SLC22A24: variants seen among roughly 807,000 people sequenced by gnomAD.
SLC22A24 encodes the protein solute carrier family 22 member 24, also known as steroid transmembrane transporter SLC22A24.
SLC22A24 carries 53 observed loss-of-function variants against 49.8 expected under a neutral mutation model. The observed-to-expected ratio is 1.06, with a 90% CI of 0.85 to 1.34. The LOEUF is 1.34. Among genes scored for constraint, SLC22A24 ranks in the 40% most tolerant of loss-of-function variants. The pLI, the probability that SLC22A24 is intolerant of heterozygous loss-of-function variation, is 0.00. For missense variants in SLC22A24, 786 were observed against 675.9 expected, an observed-to-expected ratio of 1.16 and a Z score of -1.81; for synonymous variants, 302 against 256.4, an observed-to-expected ratio of 1.18 and a Z score of -1.70.
At chr11:63,141,627 A>G (rs1209787079) in intron 1 of SLC22A24, among the ~76,000 whole-genome samples, 1 of 152,176 alleles carries the variant, frequency 6.6e-6, no homozygotes, top group African/African-American at 2.4e-5. Context: ...CAGGAACCCC[A>G]AGTTATCTTG....
At chr11:63,094,861 T>A (rs372858668) in intron 6 of SLC22A24, among the ~76,000 whole-genome samples, 22 of 152,260 alleles carry the variant, frequency 1.4e-4, no homozygotes, top group Middle Eastern at 3.4e-3. Flanking sequence ...GTTTGAGTTC[T>A]TTGTAGATTC....
intron 7 of SLC22A24, 77 bp downstream of exon 7, chr11:63,083,166 C>A (rs1000283002): frequency 2.5e-5 from 30 of 1,192,368 alleles, no homozygotes; most frequent in Non-Finnish European, 3.5e-5. Flanking sequence ...TCTTTTGGCA[C>A]CAGGCATAAA....
chr11:63,097,495 T>C (rs779990647), intron 5 of SLC22A24, among the ~76,000 whole-genome samples: 1 of 152,158 alleles, frequency 6.6e-6, no homozygotes, highest in Non-Finnish European at 1.5e-5. Flanking sequence ...AGGTCAATCA[T>C]TGTGGAAGAT....
intron 2 of SLC22A24, among the ~76,000 whole-genome samples, chr11:63,133,908 G>A (rs1409880970): frequency 1.3e-5 from 2 of 152,094 alleles, no homozygotes; most frequent in African/African-American, 2.4e-5. Context: ...GCCTCCCAAA[G>A]TGTTGGTATT....
At chr11:63,110,329 G>A (rs947040028) in intron 4 of SLC22A24, among the ~76,000 whole-genome samples, 10 of 152,190 alleles carry the variant, frequency 6.6e-5, no homozygotes, top group Admixed American at 1.3e-4. Context: ...TTGGCAATGC[G>A]GGCTCTTTTT....
intron 3 of SLC22A24, 44 bp from the exon 4 acceptor site, chr11:63,119,124 A>T (rs767872601): frequency 1.8e-5 from 28 of 1,526,712 alleles, no homozygotes; most frequent in Non-Finnish European, 2.3e-5. Flanking sequence ...GACAAATGGT[A>T]ATTTCAAGGT....
intron 2 of SLC22A24, among the ~76,000 whole-genome samples, chr11:63,120,793 T>C (rs891580489): frequency 7.9e-5 from 12 of 152,192 alleles, no homozygotes; most frequent in African/African-American, 2.9e-4. Context: ...TAAAATGTCT[T>C]ACTTTCTGAA....
rs568137275 is a variant in SLC22A24 at position 63,143,874 on chromosome 11, G to T, written c.-95C>A. ...TGTCCCCTTTCACAAAGTTACCATA[G>T]TGCCATGTGGATCCTGACACTGCTT... On this transcript the variant is annotated 5_prime_UTR_variant, in exon 1 of 10. Transcript: ENST00000612278. The T allele has an allele frequency of 1.4e-5, 15 of 1,069,280 alleles. No homozygotes were observed. The highest frequency in any genetic ancestry group is 1.8e-5 in the Non-Finnish European group (15 of 818,438). 66.2% of individuals were successfully genotyped at this position (1,069,280 alleles called of 1,614,324 possible).
rs556176797 is a variant in SLC22A24, at chr11:63,081,246, C to A, written c.1395-123G>T. 73 of 808,708 alleles carry A rather than the reference C, an allele frequency of 9.0e-5. No homozygotes were observed. The African/African-American group carries it at 1.1e-3, about 13-fold the overall frequency. The allele number at this position is 808,708 out of a possible 1,614,324, so 50.1% of individuals were successfully genotyped here. A position where few individuals can be genotyped will look rare whatever the true frequency, so the allele number is the denominator to read the frequency against. On this transcript the variant is annotated intron_variant, in intron 8 of 9. Transcript: ENST00000612278. ...TTACTAAACACATGGGCTTTGACAG[C>A]AAGCCCTTAATTGTGACATTTACCT...
At chr11:63,129,770 T>C (rs531852688) in intron 2 of SLC22A24, among the ~76,000 whole-genome samples, 79 of 151,306 alleles carry the variant, frequency 5.2e-4, no homozygotes, top group African/African-American at 1.9e-3. Flanking sequence ...ATGATTTGGC[T>C]CTCTGTTTGT....
intron 6 of SLC22A24, among the ~76,000 whole-genome samples, chr11:63,084,616 A>C (rs766604916): frequency 1.3e-5 from 2 of 152,130 alleles, no homozygotes; most frequent in African/African-American, 4.8e-5. Context: ...CAGGGAAAGG[A>C]GTCTGATTTG....
At chr11:63,133,997 G>A (rs2087355489) in intron 2 of SLC22A24, among the ~76,000 whole-genome samples, 1 of 152,128 alleles carries the variant, frequency 6.6e-6, no homozygotes, top group Non-Finnish European at 1.5e-5. Flanking sequence ...TATTAGAGTA[G>A]ATTAGTAGAT....
In SLC22A24 at chr11:63,140,280, C is replaced by G. The variant is rs181227394; in HGVS notation, c.402+3098G>C. 2.0e-5 allele frequency among the ~76,000 whole-genome samples: 3 copies of G among 152,034 alleles called. No homozygotes were observed. In the East Asian group the frequency reaches 5.8e-4, roughly 29 times the overall value. ...TATTTTTAGTAGAGATGAGGTTTCA[C>G]CATGTTGGCCAGGATGGTCTCAATC... On this transcript the variant is annotated intron_variant, in intron 1 of 9. Coordinates refer to ENST00000612278, the MANE Select transcript of SLC22A24 (RefSeq NM_001136506.2).
At position 63,102,991 on chromosome 11, in the gene SLC22A24, A is replaced by G. The variant is rs148508678; in HGVS notation, c.954+1184T>C. Among the ~76,000 whole-genome samples the G allele has an allele frequency of 1.3e-5, 2 of 152,306 alleles. 1 individual carries two copies. Among genetic ancestry groups the G allele is most frequent in the African/African-American group, 4.8e-5 (2 of 41,590 alleles). Reference sequence around the variant, plus strand: ...CAATTTATACAAACACAAAGGTCCTATAGTTAGAGAACTACATATAAGTAG... The same window carrying G: ...CAATTTATACAAACACAAAGGTCCTGTAGTTAGAGAACTACATATAAGTAG... On this transcript the variant is annotated intron_variant, in intron 5 of 9. Coordinates refer to ENST00000612278, the MANE Select transcript of SLC22A24 (RefSeq NM_001136506.2).
intron 2 of SLC22A24, among the ~76,000 whole-genome samples, chr11:63,121,842 A>G (rs2087254734): frequency 6.6e-6 from 1 of 152,046 alleles, no homozygotes; most frequent in Non-Finnish European, 1.5e-5. Context: ...TCCTGTGTCC[A>G]TGTGTTCTCA....
chr11:63,109,965 G>T lies in SLC22A24; in HGVS notation c.831-5667C>A, dbSNP rs551000518. ...GGTAATGCCTAGGATTTCTTCTAGG[G>T]TTTTTATGGTTTTAGATCTAACGTT... On this transcript the variant is annotated intron_variant, in intron 4 of 9. Transcript: ENST00000612278. Among the ~76,000 whole-genome samples the T allele has an allele frequency of 5.3e-5, 8 of 152,274 alleles. No individual in the cohort carries two copies. In the East Asian group the frequency reaches 1.4e-3, roughly 26 times the overall value.
intron 2 of SLC22A24, among the ~76,000 whole-genome samples, chr11:63,133,570 A>T (rs2087352062): frequency 6.6e-6 from 1 of 152,182 alleles, no homozygotes; most frequent in Non-Finnish European, 1.5e-5. Context: ...CTCCTTCAGA[A>T]GGAGCTCTGC....
intron 7 of SLC22A24, among the ~76,000 whole-genome samples, chr11:63,082,498 A>G (rs1462467594): frequency 6.6e-6 from 1 of 152,246 alleles, no homozygotes; most frequent in Non-Finnish European, 1.5e-5. Flanking sequence ...GATGAGTGGA[A>G]TATAGTGACC....
At chr11:63,099,872 A>G (rs2087080170) in intron 5 of SLC22A24, among the ~76,000 whole-genome samples, 1 of 152,202 alleles carries the variant, frequency 6.6e-6, no homozygotes, top group Admixed American at 6.5e-5. Flanking sequence ...ATAAAATTCA[A>G]CTTCCCTTCA....
Sources: gnomAD v4.1 joint callset for allele counts (sites outside exome capture counted in the v4.1 genomes callset) on GRCh38, gnomAD v4.1.1 for gene constraint, MANE v1.5 for transcripts, NCBI Gene and HGNC (gene_info 2026-07-23, HGNC 2026-07-21) for gene names.